MCU: variants seen among roughly 807,000 people sequenced by gnomAD.
MCU encodes calcium uniporter protein, mitochondrial.
Under a neutral mutation model 45.2 loss-of-function variants are expected in MCU, and 12 were observed. The observed-to-expected ratio is 0.27, with a 90% CI of 0.17 to 0.43. The LOEUF (loss-of-function observed/expected upper bound fraction) is 0.43, where lower values mean the gene tolerates loss of function less well. Among genes scored for constraint, MCU ranks in the 20% least tolerant of loss-of-function variants. MCU has a pLI of 1.00. For synonymous variants in MCU, 160 were observed against 165.1 expected, an observed-to-expected ratio of 0.97 and a Z score of 0.24; for missense variants, 324 against 436.7, an observed-to-expected ratio of 0.74 and a Z score of 2.30.
chr10:72,804,017 A>AATATATAT (rs35518652), intron 1 of MCU, among the ~76,000 whole-genome samples: 31 of 34,886 alleles, frequency 8.9e-4, no homozygotes, highest in Non-Finnish European at 1.5e-3. Flanking sequence ...AATGTAAGTA[A>AATATATAT]ATATATATAT....
At chr10:72,860,230 A>G in intron 3 of MCU, 193 bp from the exon 4 acceptor site, 1 of 558,992 alleles carries the variant, frequency 1.8e-6, no homozygotes. Context: ...AGCTGTTGTT[A>G]AATCTTCACA....
rs71021528 is a variant in MCU, at chr10:72,751,341, C to CTTTTTTTTTTTTTTTT, written c.150+59055_150+59070dup. On this transcript the variant is annotated intron_variant, in intron 1 of 7. Transcript: ENST00000373053. The stretch of plus-strand genomic sequence containing the variant: ...TTTTCTCTAACATCTTCTTCTTCTT[C>CTTTTTTTTTTTTTTTT]TTTTTTTTTTTTTTTTTTTTTTTTT... Among the ~76,000 whole-genome samples the CTTTTTTTTTTTTTTTT allele has an allele frequency of 1.1e-3, 48 of 44,744 alleles. 8 individuals are homozygous for CTTTTTTTTTTTTTTTT. The highest frequency in any genetic ancestry group is 1.5e-3 in the Non-Finnish European group (35 of 23,956). The allele number at this position is 44,744 out of a possible 152,430, so 29.4% of individuals were successfully genotyped here.
chr10:72,784,753 C>T (rs916018837), intron 1 of MCU, among the ~76,000 whole-genome samples: 2 of 152,154 alleles, frequency 1.3e-5, no homozygotes, highest in African/African-American at 4.8e-5. Flanking sequence ...GCTGTGCACC[C>T]TGCCTCTCTG....
intron 1 of MCU, among the ~76,000 whole-genome samples, chr10:72,824,556 G>T (rs7923659): frequency 6.6e-6 from 1 of 151,870 alleles, no homozygotes. Flanking sequence ...AAGTAAGACA[G>T]TTATGTTAGA....
chr10:72,693,195 T>TGTGTGAGAGAGAGAGAGACAGA, intron 1 of MCU: 1 of 910,058 alleles, frequency 1.1e-6, no homozygotes, highest in Non-Finnish European at 1.7e-6. Context: ...TGTGTGTGTG[T>TGTGTGAGAGAGAGAGAGACAGA]GTGTGAGAGA....
chr10:72,788,949 G>C (rs1443723476), intron 1 of MCU, among the ~76,000 whole-genome samples: 1 of 152,148 alleles, frequency 6.6e-6, no homozygotes. Context: ...TTTGACAACA[G>C]TCTAGAATGG....
At chr10:72,843,362 A>G (rs1046260633) in intron 2 of MCU, among the ~76,000 whole-genome samples, 2 of 152,160 alleles carry the variant, frequency 1.3e-5, no homozygotes, top group African/African-American at 4.8e-5. Context: ...TATTATCTCC[A>G]TAATTTTACC....
intron 1 of MCU, among the ~76,000 whole-genome samples, chr10:72,720,029 C>T (rs1843000295): frequency 1.3e-5 from 2 of 152,058 alleles, no homozygotes; most frequent in Admixed American, 6.6e-5. Flanking sequence ...GTGCAAAATA[C>T]TACGCCCATC....
intron 1 of MCU, among the ~76,000 whole-genome samples, chr10:72,710,916 G>A (rs1842884838): frequency 6.6e-6 from 1 of 151,992 alleles, no homozygotes; most frequent in Non-Finnish European, 1.5e-5. Flanking sequence ...AGTGGCTCAT[G>A]CCTGTAATCC....
At chr10:72,816,843 A>G (rs1173838764) in intron 1 of MCU, among the ~76,000 whole-genome samples, 1 of 152,218 alleles carries the variant, frequency 6.6e-6, no homozygotes, top group Admixed American at 6.5e-5. Context: ...CCAGGCAAAC[A>G]AACAAGTTCA....
chr10:72,880,646 G>A (rs892740816), intron 6 of MCU, among the ~76,000 whole-genome samples: 2 of 152,088 alleles, frequency 1.3e-5, no homozygotes, highest in East Asian at 1.9e-4. Context: ...CTTCTAAAAC[G>A]GTATGAAAAT....
At chr10:72,705,541 G>C (rs1267632568) in intron 1 of MCU, among the ~76,000 whole-genome samples, 1 of 152,144 alleles carries the variant, frequency 6.6e-6, no homozygotes, top group Non-Finnish European at 1.5e-5. Flanking sequence ...AAAAAGACTG[G>C]GCTCAGTGGC....
intron 2 of MCU, among the ~76,000 whole-genome samples, chr10:72,838,312 C>T (rs961712714): frequency 1.2e-4 from 18 of 151,974 alleles, no homozygotes; most frequent in Admixed American, 1.2e-3. Flanking sequence ...CTCAATTTGC[C>T]TTGTATTAAG....
chr10:72,714,581 G>A (rs982744946), intron 1 of MCU, among the ~76,000 whole-genome samples: 2 of 151,826 alleles, frequency 1.3e-5, no homozygotes, highest in African/African-American at 4.8e-5. Flanking sequence ...TTTCCCTCCT[G>A]TTGCCCAGGC....
At chr10:72,814,573 T>C (rs545351521) in intron 1 of MCU, among the ~76,000 whole-genome samples, 16 of 152,106 alleles carry the variant, frequency 1.1e-4, no homozygotes, top group African/African-American at 3.6e-4. Flanking sequence ...GACAGGAAAA[T>C]AGAAAAGAAG....
chr10:72,736,485 A>T (rs1174210561), intron 1 of MCU: 1 of 152,176 alleles, frequency 6.6e-6, no homozygotes, highest in East Asian at 1.9e-4. Flanking sequence ...TTTTCCCCAG[A>T]TGGTTCTGTT....
chr10:72,758,837 T>G (rs1160818615), intron 1 of MCU, among the ~76,000 whole-genome samples: 3 of 152,244 alleles, frequency 2.0e-5, no homozygotes, highest in South Asian at 2.1e-4. Context: ...GTAATATTAC[T>G]TAAATTTTCT....
In MCU at chr10:72,887,629, A is replaced by G. The variant is rs550289943; in HGVS notation, c.*1807A>G. On this transcript the variant is annotated 3_prime_UTR_variant, in exon 8 of 8. Coordinates refer to ENST00000373053, the MANE Select transcript of MCU (RefSeq NM_138357.3). ...TTGAACATGTGTAAAATCCTGTATC[A>G]TTTATGAAATATGTATAAAAAGCAA... The G allele has an allele frequency of 6.5e-6, 1 of 152,886 alleles. No homozygotes were observed. The highest frequency in any genetic ancestry group is 6.5e-5 in the Admixed American group (1 of 15,296). The allele number at this position is 152,886 out of a possible 1,614,324, so 9.5% of individuals were successfully genotyped here.
chr10:72,766,704 T>A (rs944568245), intron 1 of MCU: 3 of 152,240 alleles, frequency 2.0e-5, no homozygotes, highest in Non-Finnish European at 2.9e-5. Context: ...TTCATAGCCT[T>A]CTGATCCTGT....
Sources: gnomAD v4.1 joint callset for allele counts (sites outside exome capture counted in the v4.1 genomes callset) on GRCh38, gnomAD v4.1.1 for gene constraint, MANE v1.5 for transcripts, NCBI Gene and HGNC (gene_info 2026-07-23, HGNC 2026-07-21) for gene names.